The following ADAM10 variants were observed in gnomAD, a reference collection of about 807,000 sequenced individuals.
ADAM10 encodes the protein disintegrin and metalloproteinase domain-containing protein 10.
A neutral mutation model predicts 90.1 loss-of-function variants in ADAM10; 17 were observed. The ratio of observed to expected loss-of-function variants is 0.19; its 90% CI spans 0.13 to 0.28. The LOEUF (loss-of-function observed/expected upper bound fraction) is 0.28. ADAM10 is among the 10% of genes least tolerant of loss of function. ADAM10 has a pLI of 1.00. For synonymous variants in ADAM10, 310 were observed against 298.6 expected (o/e 1.04, Z -0.40); for missense variants, 610 against 914.3 (o/e 0.67, Z 4.29).
intron 2 of ADAM10, among the ~76,000 whole-genome samples, chr15:58,694,894 A>T (rs1411169168): frequency 1.3e-5 from 2 of 152,162 alleles, no homozygotes; most frequent in Non-Finnish European, 2.9e-5. Context: ...CCTAGGGTGG[A>T]GACTAAGAGT....
At chr15:58,722,088 C>T (rs1428091502) in intron 1 of ADAM10, among the ~76,000 whole-genome samples, 8 of 151,444 alleles carry the variant, frequency 5.3e-5, no homozygotes, top group Admixed American at 2.6e-4. Flanking sequence ...GCCTGTAATC[C>T]CAGCACTTTG....
chr15:58,635,507 G>T (rs181125744), intron 8 of ADAM10, among the ~76,000 whole-genome samples: 38 of 152,096 alleles, frequency 2.5e-4, no homozygotes, highest in Admixed American at 1.6e-3. Flanking sequence ...CAACTGAGTA[G>T]AGAGAAAATA....
intron 5 of ADAM10, among the ~76,000 whole-genome samples, chr15:58,647,361 C>T (rs193211975): frequency 3.2e-4 from 46 of 145,870 alleles, no homozygotes; most frequent in African/African-American, 1.1e-3. Flanking sequence ...CCCGGGTTCA[C>T]GCCATTCTCC....
At chr15:58,605,034 C>T (rs903412572) in intron 14 of ADAM10, among the ~76,000 whole-genome samples, 5 of 152,180 alleles carry the variant, frequency 3.3e-5, no homozygotes, top group Admixed American at 6.5e-5. Context: ...GCTACTGTAC[C>T]TGGCCTATAG....
intron 11 of ADAM10, among the ~76,000 whole-genome samples, chr15:58,619,460 A>C (rs1895714987): frequency 6.6e-6 from 1 of 152,214 alleles, no homozygotes; most frequent in Non-Finnish European, 1.5e-5. Context: ...TTCAAAATAG[A>C]AGATTTAAAA....
chr15:58,630,559 T>G (rs1278129677), intron 9 of ADAM10, among the ~76,000 whole-genome samples: 1 of 152,190 alleles, frequency 6.6e-6, no homozygotes, highest in African/African-American at 2.4e-5. Context: ...TAGGTACATA[T>G]TAGAATTTTC....
At chr15:58,724,176 CA>C (rs547892688) in intron 1 of ADAM10, among the ~76,000 whole-genome samples, 1,915 of 119,800 alleles carry the variant, frequency 0.016, 38 homozygotes, top group African/African-American at 0.05. Flanking sequence ...GACTCCGTCT[CA>C]AAAAAAAAAA....
Position 58,594,158 on chromosome 15 carries a change from A to G in ADAM10, c.*3389T>C, listed in dbSNP as rs866338561. On this transcript the variant is annotated 3_prime_UTR_variant, in exon 16 of 16. Coordinates refer to ENST00000260408, the MANE Select transcript of ADAM10 (RefSeq NM_001110.4). Reference sequence around the variant, plus strand: ...TGTCCCTGGCAGCTGCTTTAAAACTACATCTGGCTTGCACCCTGGTTTTGG... The same window carrying G: ...TGTCCCTGGCAGCTGCTTTAAAACTGCATCTGGCTTGCACCCTGGTTTTGG... 21 of 152,338 alleles carry G rather than the reference A, an allele frequency of 1.4e-4. No individual in the cohort carries two copies. The Middle Eastern group carries it at 0.01, about 74-fold the overall frequency. 9.4% of individuals were successfully genotyped at this position (152,338 alleles called of 1,614,324 possible). A position where few individuals can be genotyped will look rare whatever the true frequency, so the allele number is the denominator to read the frequency against.
At chr15:58,709,255 T>G (rs1220340672) in intron 2 of ADAM10, among the ~76,000 whole-genome samples, 1 of 152,164 alleles carries the variant, frequency 6.6e-6, no homozygotes, top group Non-Finnish European at 1.5e-5. Flanking sequence ...AAATCCAAGG[T>G]TGACTATGAA....
At chr15:58,708,968 A>G (rs1336571506) in intron 2 of ADAM10, among the ~76,000 whole-genome samples, 2 of 152,224 alleles carry the variant, frequency 1.3e-5, no homozygotes, top group African/African-American at 2.4e-5. Flanking sequence ...AGCTATATCT[A>G]AAAGGAACTG....
Position 58,749,542 on chromosome 15 carries a change from T to TGCCGCTGCCGCCGCC in ADAM10, c.-23_-9dup, listed in dbSNP as rs1489547726. The stretch of plus-strand genomic sequence containing the variant: ...CACTCTCAGCAACACCATCTTCCGC[T>TGCCGCTGCCGCCGCC]GCCGCTGCCGCCGCCGCCGCCTCCT... On this transcript the variant is annotated 5_prime_UTR_variant, in exon 1 of 16. Coordinates refer to ENST00000260408, the MANE Select transcript of ADAM10 (RefSeq NM_001110.4). The TGCCGCTGCCGCCGCC allele has an allele frequency of 6.4e-7, 1 of 1,551,654 alleles. No homozygotes were observed.
chr15:58,730,002 A>C (rs1489008343), intron 1 of ADAM10, among the ~76,000 whole-genome samples: 13 of 142,718 alleles, frequency 9.1e-5, no homozygotes, highest in African/African-American at 3.4e-4. Context: ...AAACAAACAA[A>C]CAAAAAAAAA....
intron 2 of ADAM10, among the ~76,000 whole-genome samples, chr15:58,715,872 A>G (rs1480350195): frequency 1.3e-5 from 2 of 152,248 alleles, no homozygotes; most frequent in Admixed American, 1.3e-4. Context: ...AGCCAAAAGC[A>G]GCTAAAATCT....
intron 11 of ADAM10, among the ~76,000 whole-genome samples, chr15:58,613,818 T>C (rs1405092418): frequency 6.6e-6 from 1 of 152,090 alleles, no homozygotes; most frequent in Non-Finnish European, 1.5e-5. Context: ...ATTTTCATAT[T>C]ATAAGAGCTG....
rs371841474 is a variant in ADAM10 at position 58,621,348 on chromosome 15, AAAC to A, written c.1511+120_1511+122del. The A allele has an allele frequency of 3.7e-4, 454 of 1,223,664 alleles. 3 individuals are homozygous for A. The highest frequency in any genetic ancestry group is 5.6e-4 in the East Asian group (24 of 42,728). The allele number at this position is 1,223,664 out of a possible 1,614,324, so 75.8% of individuals were successfully genotyped here. ...CAACACTACTTCAGAAAAAGAAAAC[AAAC>A]AACAGATAAAAGCAAAGTTTCAAAA... On this transcript the variant is annotated intron_variant, in intron 11 of 15. Coordinates refer to ENST00000260408, the MANE Select transcript of ADAM10 (RefSeq NM_001110.4).
chr15:58,709,923 AAACAACAAC>A (rs1224896856), intron 2 of ADAM10, among the ~76,000 whole-genome samples: 5 of 152,246 alleles, frequency 3.3e-5, no homozygotes, highest in African/African-American at 1.2e-4. Context: ...TTATATTTTA[AAACAACAAC>A]AACAACAAAA....
intron 2 of ADAM10, chr15:58,691,081 T>G (rs760960728): frequency 6.3e-6 from 4 of 636,556 alleles, no homozygotes; most frequent in Non-Finnish European, 1.2e-5. Flanking sequence ...TGCGCTTTCA[T>G]GATCCACTTC....
chr15:58,646,318 G>T, intron 5 of ADAM10, 114 bp from the exon 6 acceptor site: 1 of 1,067,186 alleles, frequency 9.4e-7, no homozygotes, highest in Non-Finnish European at 1.4e-6. Flanking sequence ...AACACCATAG[G>T]TATTTCTGCT....
chr15:58,628,976 A>G (rs1263253217), intron 9 of ADAM10, among the ~76,000 whole-genome samples: 1 of 152,202 alleles, frequency 6.6e-6, no homozygotes, highest in Non-Finnish European at 1.5e-5. Flanking sequence ...TGCAGCATTT[A>G]GCAACTCTAT....
Sources: allele counts gnomAD v4.1 joint callset (sites outside exome capture counted in the v4.1 genomes callset), GRCh38; gene constraint gnomAD v4.1.1; transcripts MANE v1.5; gene names NCBI Gene and HGNC (gene_info 2026-07-23, HGNC 2026-07-21).